SLC45A3: variants seen among roughly 807,000 people sequenced by gnomAD.
The protein encoded by SLC45A3 is solute carrier family 45 member 3.
In SLC45A3, 17 loss-of-function variants were observed where a neutral mutation model predicts 35.3. The ratio of observed to expected loss-of-function variants is 0.48; its 90% CI spans 0.33 to 0.72. SLC45A3 has a LOEUF of 0.72. Among genes scored for constraint, SLC45A3 ranks in the 30% least tolerant of loss-of-function variants. The pLI, the probability that SLC45A3 is intolerant of heterozygous loss-of-function variation, is 0.02. For missense variants in SLC45A3, 597 were observed against 731.7 expected, an observed-to-expected ratio of 0.82 and a Z score of 2.12; for synonymous variants, 288 against 334.3, an observed-to-expected ratio of 0.86 and a Z score of 1.51.
chr1:205,659,781 T>C lies in SLC45A3; in HGVS notation c.1225-110A>G. The C allele has an allele frequency of 9.9e-7, 1 of 1,007,726 alleles. No individual in the cohort carries two copies. The highest frequency in any genetic ancestry group is 1.4e-6 in the Non-Finnish European group (1 of 715,054). 62.4% of individuals were successfully genotyped at this position (1,007,726 alleles called of 1,614,324 possible). The stretch of plus-strand genomic sequence containing the variant: ...GCCTCCATCCCAGGGGCAATGGGAC[T>C]TCATGAGAATCAGGAGCAGGAGAGA... On this transcript the variant is annotated intron_variant, in intron 4 of 4. Transcript: ENST00000367145. The surrounding 1 kb of genome is among the most constrained non-coding windows in gnomAD (Gnocchi z 5.8).
intron 1 of SLC45A3, among the ~76,000 whole-genome samples, chr1:205,672,294 C>T (rs1671231062): frequency 6.6e-6 from 1 of 152,134 alleles, no homozygotes; most frequent in Non-Finnish European, 1.5e-5. Flanking sequence ...AATGCAACTG[C>T]CTCCCCAGGT....
chr1:205,662,834 TTCA>T lies in SLC45A3; in HGVS notation c.954_956del (p.Asp318del). 6.3e-7 allele frequency: 1 copy of T among 1,583,484 alleles called. No homozygotes were observed. The highest frequency in any genetic ancestry group is 8.6e-7 in the Non-Finnish European group (1 of 1,161,546). ...CTCTGCTGGCTGCCAAGGCCTTACC[TTCA>T]TCATAGTGTCTCCGGGCCTCGGTGC... On this transcript the variant is annotated inframe_deletion and splice_region_variant, in exon 3 of 5. Coordinates refer to ENST00000367145, the MANE Select transcript of SLC45A3 (RefSeq NM_033102.3). This position sits in a 1 kb window ranked among gnomAD's most constrained non-coding sequence, Gnocchi z 6.2.
intron 1 of SLC45A3, among the ~76,000 whole-genome samples, chr1:205,672,869 C>A (rs1671241889): frequency 6.6e-6 from 1 of 152,184 alleles, no homozygotes; most frequent in African/African-American, 2.4e-5. Context: ...CTACCCCCGG[C>A]AGTTGCTTCT....
Position 205,669,137 on chromosome 1 carries a change from C to T in SLC45A3, c.-230-4251G>A, listed in dbSNP as rs1235005029. 2.0e-5 allele frequency among the ~76,000 whole-genome samples: 3 copies of T among 152,164 alleles called. No individual in the cohort carries two copies. Among genetic ancestry groups the T allele is most frequent in the African/African-American group, 7.2e-5 (3 of 41,442 alleles). Reference sequence around the variant, plus strand: ...GAGGGCTTAAGTCCTCCTCCTCCCACGTGCTCGCCACACACCGAGGACTTT... The same window carrying T: ...GAGGGCTTAAGTCCTCCTCCTCCCATGTGCTCGCCACACACCGAGGACTTT... On this transcript the variant is annotated intron_variant, in intron 1 of 4. Transcript: ENST00000367145. The surrounding 1 kb of genome is among the most constrained non-coding windows in gnomAD (Gnocchi z 4.1).
intron 1 of SLC45A3, among the ~76,000 whole-genome samples, chr1:205,679,833 T>A (rs1671373381): frequency 6.6e-6 from 1 of 151,650 alleles, no homozygotes. Context: ...AAAGCCGGCC[T>A]GGGCCTGAGC....
At position 205,658,910 on chromosome 1, in the gene SLC45A3, A is replaced by G. The variant is rs1670967537; in HGVS notation, c.*324T>C. 3.0e-6 allele frequency: 1 copy of G among 333,942 alleles called. No homozygotes were observed. Among genetic ancestry groups the G allele is most frequent in the South Asian group, 6.9e-5 (1 of 14,548 alleles). The allele number at this position is 333,942 out of a possible 1,614,324, so 20.7% of individuals were successfully genotyped here. A position where few individuals can be genotyped will look rare whatever the true frequency, so the allele number is the denominator to read the frequency against. ...GTCTCAACTAGGAGGCTAGCTGTTAACCCTGAGCCTGGGTAATCCACCTGC... is the reference window on the plus strand; with the variant it reads ...GTCTCAACTAGGAGGCTAGCTGTTAGCCCTGAGCCTGGGTAATCCACCTGC... On this transcript the variant is annotated 3_prime_UTR_variant, in exon 5 of 5. Coordinates refer to ENST00000367145, the MANE Select transcript of SLC45A3 (RefSeq NM_033102.3).
intron 1 of SLC45A3, among the ~76,000 whole-genome samples, chr1:205,671,993 G>A (rs1671225287): frequency 6.6e-6 from 1 of 152,190 alleles, no homozygotes; most frequent in South Asian, 2.1e-4. Flanking sequence ...CATCCGATGA[G>A]GTGGGTACAA....
intron 4 of SLC45A3, 82 bp downstream of exon 4, chr1:205,661,779 A>G: frequency 6.5e-7 from 1 of 1,532,810 alleles, no homozygotes; most frequent in Non-Finnish European, 8.8e-7. Context: ...TGCTTGCCAG[A>G]TACCAGGTTC....
rs1290928149 is a variant in SLC45A3, at chr1:205,659,185, G to A, written c.*49C>T. On this transcript the variant is annotated 3_prime_UTR_variant, in exon 5 of 5. Coordinates refer to ENST00000367145, the MANE Select transcript of SLC45A3 (RefSeq NM_033102.3). This position sits in a 1 kb window ranked among gnomAD's most constrained non-coding sequence, Gnocchi z 5.8. ...CCCATGGGGCTAACAGGAGCGGGGAGCTGGGACCCAGTGAGGCAGGCCCTC... is the reference window on the plus strand; with the variant it reads ...CCCATGGGGCTAACAGGAGCGGGGAACTGGGACCCAGTGAGGCAGGCCCTC... The A allele has an allele frequency of 1.3e-6, 2 of 1,550,186 alleles. No homozygotes were observed. Among genetic ancestry groups the A allele is most frequent in the Non-Finnish European group, 1.7e-6 (2 of 1,142,974 alleles).
At position 205,659,778 on chromosome 1, in the gene SLC45A3, G is replaced by A. The variant is rs1670987545; in HGVS notation, c.1225-107C>T. The stretch of plus-strand genomic sequence containing the variant: ...CTTGCCTCCATCCCAGGGGCAATGG[G>A]ACTTCATGAGAATCAGGAGCAGGAG... On this transcript the variant is annotated intron_variant, in intron 4 of 4. Coordinates refer to ENST00000367145, the MANE Select transcript of SLC45A3 (RefSeq NM_033102.3). This position sits in a 1 kb window ranked among gnomAD's most constrained non-coding sequence, Gnocchi z 5.8. 1 of 1,020,356 alleles carries A rather than the reference G, an allele frequency of 9.8e-7. No individual in the cohort carries two copies. The highest frequency in any genetic ancestry group is 3.0e-4 in the Middle Eastern group (1 of 3,340). 63.2% of individuals were successfully genotyped at this position (1,020,356 alleles called of 1,614,324 possible).
intron 2 of SLC45A3, 61 bp from the exon 3 acceptor site, chr1:205,663,679 G>C: frequency 6.8e-7 from 1 of 1,467,076 alleles, no homozygotes; most frequent in Non-Finnish European, 9.1e-7. Flanking sequence ...AGGGGAAGGG[G>C]AACCAAGCTC....
At chr1:205,679,263 G>A (rs1188833361) in intron 1 of SLC45A3, among the ~76,000 whole-genome samples, 1 of 152,078 alleles carries the variant, frequency 6.6e-6, no homozygotes, top group African/African-American at 2.4e-5. Context: ...TACCCACCAT[G>A]CCAAACCCCT....
rs1571538678 is a variant in SLC45A3, at chr1:205,669,172, A to G, written c.-230-4286T>C. On this transcript the variant is annotated intron_variant, in intron 1 of 4. Coordinates refer to ENST00000367145, the MANE Select transcript of SLC45A3 (RefSeq NM_033102.3). This position sits in a 1 kb window ranked among gnomAD's most constrained non-coding sequence, Gnocchi z 4.1. ...ACACACCGAGGACTTTGCAGGCCCA[A>G]CTCCAGAGGGAGCAGCTCCTATGGG... Among the ~76,000 whole-genome samples the G allele has an allele frequency of 6.6e-6, 1 of 152,100 alleles. No individual in the cohort carries two copies. The highest frequency in any genetic ancestry group is 6.5e-5 in the Admixed American group (1 of 15,282).
At chr1:205,673,247 T>C (rs1671247538) in intron 1 of SLC45A3, among the ~76,000 whole-genome samples, 1 of 152,164 alleles carries the variant, frequency 6.6e-6, no homozygotes. Context: ...CCACAATAAA[T>C]GCTTCCCTAC....
In SLC45A3 at chr1:205,661,948, T is replaced by C. The variant is rs1394674995; in HGVS notation, c.1137A>G (p.Thr379=). The C allele has an allele frequency of 9.3e-6, 15 of 1,614,026 alleles. No homozygotes were observed. Among genetic ancestry groups the C allele is most frequent in the Admixed American group, 1.7e-5 (1 of 59,996 alleles). The change falls in exon 4 of 5, where the codon ACA becomes ACG. Residue 379 remains threonine (T), a synonymous_variant. Transcript: ENST00000367145. ...TGAACCCGGTGAGGGCGGCTGAAGC[T>C]GTCACCACGGCCACACTGTGGGACA... The part of the protein sequence containing the change: ...TCLSHSVAVV[T]ASAALTGFTF...
rs1571527660 is a variant in SLC45A3 at position 205,657,970 on chromosome 1, T to A, written c.*1264A>T. The A allele has an allele frequency of 4.5e-6, 1 of 221,646 alleles. No homozygotes were observed. The highest frequency in any genetic ancestry group is 6.8e-5 in the East Asian group (1 of 14,718). The allele number at this position is 221,646 out of a possible 1,614,324, so 13.7% of individuals were successfully genotyped here. On this transcript the variant is annotated 3_prime_UTR_variant, in exon 5 of 5. Transcript: ENST00000367145. ...AGACGACATTATTGCAAACGGCACT[T>A]AAACCCCCCCTGAGAGATAAGACCT...
At chr1:205,679,928 T>C (rs1671375713) in intron 1 of SLC45A3, among the ~76,000 whole-genome samples, 1 of 151,946 alleles carries the variant, frequency 6.6e-6, no homozygotes, top group Non-Finnish European at 1.5e-5. Context: ...ATCCTGCCCC[T>C]TTCCGGTGAA....
chr1:205,663,137 A>G lies in SLC45A3; in HGVS notation c.654T>C (p.Ala218=). 6.2e-7 allele frequency: 1 copy of G among 1,610,630 alleles called. No individual in the cohort carries two copies. The highest frequency in any genetic ancestry group is 1.3e-5 in the African/African-American group (1 of 74,994). Residue 218 remains alanine (A), a synonymous_variant, in exon 3 of 5, where the codon GCT becomes GCC. Transcript: ENST00000367145. ...CGGTGGGGCCCAGCGCTGCCTCCTC[A>G]GCCACCAGCAGTGTGGCTGCTACGC... ...LTCVAATLLV[A]EEAALGPTEP...
At chr1:205,673,023 G>C (rs1233098532) in intron 1 of SLC45A3, among the ~76,000 whole-genome samples, 1 of 152,110 alleles carries the variant, frequency 6.6e-6, no homozygotes, top group Non-Finnish European at 1.5e-5. Flanking sequence ...GAGTCAAGGG[G>C]AATGAGGTGG....
Sources: allele counts gnomAD v4.1 joint callset (sites outside exome capture counted in the v4.1 genomes callset), GRCh38; gene constraint gnomAD v4.1.1; non-coding constraint Gnocchi (gnomAD v3.1); transcripts MANE v1.5; gene names NCBI Gene and HGNC (gene_info 2026-07-23, HGNC 2026-07-21).